The following SUGCT variants were observed in gnomAD, a reference collection of about 807,000 sequenced individuals.
SUGCT encodes the protein succinyl-CoA:glutarate CoA-transferase.
In SUGCT, 41 loss-of-function variants were observed where a neutral mutation model predicts 55.0. That is an observed-to-expected ratio of 0.74 (90% CI 0.58 to 0.97). The LOEUF (loss-of-function observed/expected upper bound fraction) is 0.97, where lower values mean the gene tolerates loss of function less well. Ranked by LOEUF, SUGCT falls within the 50% of genes least tolerant of loss-of-function variation. SUGCT has a pLI of 0.00. For synonymous variants in SUGCT, 187 were observed against 200.4 expected (o/e 0.93, Z 0.56); for missense variants, 568 against 547.8 (o/e 1.04, Z -0.37).
intron 7 of SUGCT, among the ~76,000 whole-genome samples, chr7:40,249,400 G>T (rs2150925944): frequency 7.8e-6 from 1 of 128,726 alleles, no homozygotes; most frequent in Non-Finnish European, 1.6e-5. Context: ...ATATAATAAA[G>T]TATATAATAT....
At chr7:40,449,223 A>G in intron 9 of SUGCT, 64 bp from the exon 10 acceptor site, 2 of 1,081,236 alleles carry the variant, frequency 1.8e-6, no homozygotes, top group South Asian at 2.9e-5. Context: ...ATATTTTAGA[A>G]ATTAAACTTT....
At chr7:40,870,060 G>T in the SUGCT span, among the ~76,000 whole-genome samples, 2 of 152,042 alleles carry the variant, frequency 1.3e-5, no homozygotes, top group African/African-American at 4.8e-5. Context: ...GTATATTTTG[G>T]GGAAATATTC....
In SUGCT at chr7:40,598,863, G is replaced by T. The variant is rs17171745; in HGVS notation, c.1089+102477G>T. On this transcript the variant is annotated intron_variant, in intron 12 of 13. Transcript: ENST00000335693. ...ATACATGGCTCTCAGAATGGAGAGG[G>T]TTGACATTTGAGAGAGAGAGAATAT... Among the ~76,000 whole-genome samples, 2,346 of 152,286 alleles carry T rather than the reference G, an allele frequency of 0.015. 180 individuals carry two copies. The East Asian group carries it at 0.24, about 16-fold the overall frequency.
In SUGCT at chr7:40,316,832, C is replaced by G. The variant is rs532523444; in HGVS notation, c.793C>G (p.His265Asp). 21 of 1,594,630 alleles carry G rather than the reference C, an allele frequency of 1.3e-5. No homozygotes were observed. The highest frequency in any genetic ancestry group is 1.3e-4 in the South Asian group (11 of 87,574). The change falls in exon 9 of 14, where the codon CAT (histidine) becomes GAT (aspartate). Residue 265 changes from histidine (H) to aspartate (D), a missense_variant. By Grantham distance (81) the His-to-Asp change is moderately conservative. Transcript: ENST00000335693. ...QKEAKRWGTA[H>D]GSIVPYQAFK... is the part of the protein sequence containing the mutation. ...GGAAGCAAAACGTTGGGGTACAGCTCATGGCAGTATCGTTCCTTACCAGGT... is the reference window on the plus strand; with the variant it reads ...GGAAGCAAAACGTTGGGGTACAGCTGATGGCAGTATCGTTCCTTACCAGGT...
At chr7:40,784,863 T>G (rs144907246) in intron 13 of SUGCT, among the ~76,000 whole-genome samples, 1 of 152,280 alleles carries the variant, frequency 6.6e-6, no homozygotes, top group East Asian at 1.9e-4. Flanking sequence ...TAAGTAACTT[T>G]ACCTACTGTC....
intron 9 of SUGCT, among the ~76,000 whole-genome samples, chr7:40,354,383 A>G (rs920432854): frequency 2.0e-5 from 3 of 152,134 alleles, no homozygotes; most frequent in Non-Finnish European, 4.4e-5. Flanking sequence ...AAGGGACAAG[A>G]AGGAAATGTA....
rs546657105 is a variant in SUGCT at position 40,436,760 on chromosome 7, A to G, written c.817-12527A>G. Among the ~76,000 whole-genome samples the G allele has an allele frequency of 2.6e-5, 4 of 152,224 alleles. No individual in the cohort carries two copies. In the South Asian group the frequency reaches 6.2e-4, roughly 24 times the overall value. On this transcript the variant is annotated intron_variant, in intron 9 of 13. Transcript: ENST00000335693. Reference sequence around the variant, plus strand: ...ACCTTGGGTTGTTCCTGAAAAATCAATATGGTCCCTTGTCTAGCATTTTTT... The same window carrying G: ...ACCTTGGGTTGTTCCTGAAAAATCAGTATGGTCCCTTGTCTAGCATTTTTT...
intron 9 of SUGCT, among the ~76,000 whole-genome samples, chr7:40,370,802 A>G (rs1784260059): frequency 2.0e-5 from 3 of 152,108 alleles, no homozygotes; most frequent in African/African-American, 7.2e-5. Context: ...AGAAAAAAGT[A>G]TTTTTATAAA....
At chr7:40,473,608 G>A (rs368983268) in intron 11 of SUGCT, among the ~76,000 whole-genome samples, 29 of 152,052 alleles carry the variant, frequency 1.9e-4, no homozygotes, top group African/African-American at 5.8e-4. Flanking sequence ...GAAGAGTGTG[G>A]CTGTGATCCA....
intron 12 of SUGCT, among the ~76,000 whole-genome samples, chr7:40,519,576 G>A (rs939136755): frequency 4.6e-5 from 7 of 151,808 alleles, no homozygotes; most frequent in East Asian, 1.9e-4. Flanking sequence ...AATTCTTGGC[G>A]CCAAGAAGAG....
intron 13 of SUGCT, among the ~76,000 whole-genome samples, chr7:40,827,833 A>G (rs561779185): frequency 1.4e-4 from 21 of 151,868 alleles, no homozygotes; most frequent in Admixed American, 1.0e-3. Flanking sequence ...ACTCCCCCAC[A>G]CCATGGAAAC....
intron 12 of SUGCT, among the ~76,000 whole-genome samples, chr7:40,748,834 C>T (rs1787868717): frequency 6.6e-6 from 1 of 152,092 alleles, no homozygotes; most frequent in South Asian, 2.1e-4. Flanking sequence ...CCTGGTTCAG[C>T]TTCCCTGTGC....
intron 13 of SUGCT, among the ~76,000 whole-genome samples, chr7:40,813,407 A>T (rs556457449): frequency 6.6e-6 from 1 of 152,234 alleles, no homozygotes; most frequent in South Asian, 2.1e-4. Flanking sequence ...TTGGATGTAT[A>T]TATATTTAGG....
chr7:40,191,876 G>A (rs1004197359), intron 5 of SUGCT, among the ~76,000 whole-genome samples: 1 of 152,114 alleles, frequency 6.6e-6, no homozygotes, highest in Non-Finnish European at 1.5e-5. Context: ...TTGGGACGCC[G>A]AGGTGGGCGG....
In SUGCT at chr7:40,325,903, T is replaced by C. The variant is rs1445534868; in HGVS notation, c.816+9048T>C. Among the ~76,000 whole-genome samples, 4 of 142,704 alleles carry C rather than the reference T, an allele frequency of 2.8e-5. 1 individual carries two copies. Among genetic ancestry groups the C allele is most frequent in the African/African-American group, 1.0e-4 (4 of 39,542 alleles). The allele number at this position is 142,704 out of a possible 152,430, so 93.6% of individuals were successfully genotyped here. A position where few individuals can be genotyped will look rare whatever the true frequency, so the allele number is the denominator to read the frequency against. ...GATGCATCATGGATGTGCGTCTTTTTTTTTTGTTTGTTTTTGGCAGATTCT... is the reference window on the plus strand; with the variant it reads ...GATGCATCATGGATGTGCGTCTTTTCTTTTTGTTTGTTTTTGGCAGATTCT... On this transcript the variant is annotated intron_variant, in intron 9 of 13. Coordinates refer to ENST00000335693, the MANE Select transcript of SUGCT (RefSeq NM_001193313.2).
intron 11 of SUGCT, among the ~76,000 whole-genome samples, chr7:40,495,493 C>T (rs1443008468): frequency 6.6e-6 from 1 of 152,110 alleles, no homozygotes; most frequent in Non-Finnish European, 1.5e-5. Flanking sequence ...TGAAATTCTT[C>T]ATACCTTAGA....
intron 1 of SUGCT, among the ~76,000 whole-genome samples, chr7:40,159,850 A>G (rs1784063777): frequency 6.6e-6 from 1 of 152,328 alleles, no homozygotes; most frequent in African/African-American, 2.4e-5. Context: ...GAATTGTGCT[A>G]CATGGTATGC....
At chr7:40,687,889 C>CTATACTTG (rs1784535792) in intron 12 of SUGCT, among the ~76,000 whole-genome samples, 1 of 152,156 alleles carries the variant, frequency 6.6e-6, no homozygotes, top group African/African-American at 2.4e-5. Context: ...GAGGCGGTGG[C>CTATACTTG]TATACTTGGA....
chr7:41,008,598 C>T, the SUGCT span, among the ~76,000 whole-genome samples: 70 of 152,148 alleles, frequency 4.6e-4, no homozygotes, highest in Non-Finnish European at 8.7e-4. Context: ...CTGCCTGTAT[C>T]GCACCTCAAG....
Sources: gnomAD v4.1 joint callset for allele counts (sites outside exome capture counted in the v4.1 genomes callset) on GRCh38, gnomAD v4.1.1 for gene constraint, MANE v1.5 for transcripts, NCBI Gene and HGNC (gene_info 2026-07-23, HGNC 2026-07-21) for gene names.